The following LYPD6B variants were observed in gnomAD, a reference collection of about 807,000 sequenced individuals.
LYPD6B encodes the protein LY6/PLAUR domain containing 6B, also known as ly6/PLAUR domain-containing protein 6B.
LYPD6B carries 17 observed loss-of-function variants against 22.8 expected under a neutral mutation model. The observed-to-expected ratio is 0.75, with a 90% CI of 0.51 to 1.12. The LOEUF is 1.12. Among genes scored for constraint, LYPD6B ranks in the 50% most tolerant of loss-of-function variants. LYPD6B has a pLI of 0.00. For missense variants in LYPD6B, 221 were observed against 258.3 expected (o/e 0.86, Z 0.99); for synonymous variants, 106 against 91.6 (o/e 1.16, Z -0.90).
rs770703554 is a variant in LYPD6B, at chr2:149,189,342, T to TTATATATATATATATATATATATATATA, written c.78-15885_78-15884insTATATATATATATATATATATATATATA. ...AACAATTTTTTTGATTTGTCCAAAA[T>TTATATATATATATATATATATATATATA]TATATATATATATATATATATATAT... On this transcript the variant is annotated intron_variant, in intron 3 of 6. Transcript: ENST00000409642. Among the ~76,000 whole-genome samples, 86 of 65,924 alleles carry TTATATATATATATATATATATATATATA rather than the reference T, an allele frequency of 1.3e-3. 1 individual carries two copies. The highest frequency in any genetic ancestry group is 9.1e-3 in the Middle Eastern group (1 of 110). The allele number at this position is 65,924 out of a possible 152,430, so 43.2% of individuals were successfully genotyped here. A position where few individuals can be genotyped will look rare whatever the true frequency, so the allele number is the denominator to read the frequency against.
chr2:149,096,020 T>TAGAGAGACAGAGGGAGGCACGG (rs1168531511), intron 1 of LYPD6B, among the ~76,000 whole-genome samples: 1 of 150,062 alleles, frequency 6.7e-6, no homozygotes, highest in African/African-American at 2.5e-5. Context: ...AAGACCCATG[T>TAGAGAGACAGAGGGAGGCACGG]AGAGAGACAG....
chr2:149,092,554 C>A (rs971779382), intron 1 of LYPD6B, among the ~76,000 whole-genome samples: 2 of 152,126 alleles, frequency 1.3e-5, no homozygotes, highest in African/African-American at 4.8e-5. Flanking sequence ...TTTAGCTGAG[C>A]ACATGGCCAC....
intron 1 of LYPD6B, among the ~76,000 whole-genome samples, chr2:149,129,527 T>C (rs765904280): frequency 6.6e-6 from 1 of 152,342 alleles, no homozygotes; most frequent in East Asian, 1.9e-4. Context: ...AAATGACTAA[T>C]AAGCTTTGTG....
chr2:149,106,055 T>G (rs974044766), intron 1 of LYPD6B, among the ~76,000 whole-genome samples: 1 of 152,092 alleles, frequency 6.6e-6, no homozygotes, highest in Non-Finnish European at 1.5e-5. Flanking sequence ...AATCATATGG[T>G]TTTTCTTTTT....
chr2:149,111,870 C>T (rs1004523422), intron 1 of LYPD6B, among the ~76,000 whole-genome samples: 2 of 151,958 alleles, frequency 1.3e-5, no homozygotes, highest in Non-Finnish European at 2.9e-5. Flanking sequence ...CAAACAGGCA[C>T]GATGAGATCC....
At chr2:149,057,690 A>C (rs1047805944) in intron 1 of LYPD6B, among the ~76,000 whole-genome samples, 3 of 152,080 alleles carry the variant, frequency 2.0e-5, no homozygotes, top group Admixed American at 6.5e-5. Context: ...GAACCCAGCA[A>C]ATGGAAGAAT....
chr2:149,202,341 C>T (rs1693215718), intron 3 of LYPD6B, among the ~76,000 whole-genome samples: 1 of 152,180 alleles, frequency 6.6e-6, no homozygotes, highest in Admixed American at 6.5e-5. Flanking sequence ...CCAGTCCCCT[C>T]CTTCGTGTTC....
chr2:149,197,463 G>T (rs1028632423), intron 3 of LYPD6B, among the ~76,000 whole-genome samples: 2 of 152,194 alleles, frequency 1.3e-5, no homozygotes, highest in African/African-American at 4.8e-5. Context: ...AGTGAGCCGA[G>T]ATCGCACCAC....
intron 3 of LYPD6B, among the ~76,000 whole-genome samples, chr2:149,171,027 C>T (rs2105928083): frequency 6.6e-6 from 1 of 152,254 alleles, no homozygotes; most frequent in South Asian, 2.1e-4. Context: ...GAAAATAAAA[C>T]AAGTGGTGAT....
At chr2:149,046,479 T>C (rs566342826) in intron 1 of LYPD6B, among the ~76,000 whole-genome samples, 10 of 152,016 alleles carry the variant, frequency 6.6e-5, no homozygotes, top group African/African-American at 2.4e-4. Flanking sequence ...GTTCTTTTTT[T>C]TTCTTGTTTC....
intron 1 of LYPD6B, among the ~76,000 whole-genome samples, chr2:149,112,457 C>T (rs1361424661): frequency 6.6e-6 from 1 of 151,880 alleles, no homozygotes; most frequent in African/African-American, 2.4e-5. Context: ...AAAAGCTATG[C>T]AGAGAAAAGA....
At chr2:149,186,949 C>A (rs537486668) in intron 3 of LYPD6B, among the ~76,000 whole-genome samples, 111 of 152,318 alleles carry the variant, frequency 7.3e-4, no homozygotes, top group South Asian at 1.2e-3. Context: ...CCTTTAGCAA[C>A]CACCACCCTG....
intron 3 of LYPD6B, among the ~76,000 whole-genome samples, chr2:149,161,636 A>G (rs893773923): frequency 7.2e-5 from 11 of 152,130 alleles, no homozygotes; most frequent in Admixed American, 2.0e-4. Flanking sequence ...TATCAAGGCT[A>G]TCAACTACCA....
At chr2:149,136,836 A>T (rs1688400122) in intron 2 of LYPD6B, among the ~76,000 whole-genome samples, 2 of 152,252 alleles carry the variant, frequency 1.3e-5, no homozygotes, top group African/African-American at 4.8e-5. Context: ...AAGAGGGAAC[A>T]GTGCTAAGGA....
Position 149,100,932 on chromosome 2 carries a change from G to A in LYPD6B, c.-66-29951G>A, listed in dbSNP as rs182131772. On this transcript the variant is annotated intron_variant, in intron 1 of 6. Transcript: ENST00000409642. The stretch of plus-strand genomic sequence containing the variant: ...CCCCTCCTGCCGTCAGCTGTCTGTG[G>A]CATTTTTAATCCACCTCTTGTTGCT... 1.1e-3 allele frequency among the ~76,000 whole-genome samples: 164 copies of A among 152,276 alleles called. 1 individual carries two copies. The highest frequency in any genetic ancestry group is 3.7e-3 in the African/African-American group (155 of 41,546).
intron 1 of LYPD6B, among the ~76,000 whole-genome samples, chr2:149,046,080 A>G (rs1452559561): frequency 1.3e-5 from 2 of 152,160 alleles, no homozygotes; most frequent in Non-Finnish European, 2.9e-5. Flanking sequence ...TGTTAAGTGC[A>G]TACACATTTA....
At chr2:149,182,432 G>A (rs1399554409) in intron 3 of LYPD6B, among the ~76,000 whole-genome samples, 1 of 152,170 alleles carries the variant, frequency 6.6e-6, no homozygotes, top group Non-Finnish European at 1.5e-5. Context: ...TTGGTGTGCT[G>A]GCAGTAGCAG....
At chr2:149,130,148 G>A (rs1166820217) in intron 1 of LYPD6B, among the ~76,000 whole-genome samples, 2 of 152,186 alleles carry the variant, frequency 1.3e-5, no homozygotes, top group Non-Finnish European at 2.9e-5. Flanking sequence ...GGATTCATCA[G>A]GGCACAGAAG....
chr2:149,065,684 T>C (rs1238849697), intron 1 of LYPD6B, among the ~76,000 whole-genome samples: 2 of 152,182 alleles, frequency 1.3e-5, no homozygotes, highest in Non-Finnish European at 2.9e-5. Context: ...GGGGGTCTTT[T>C]GTGTTGTGTG....
Sources: allele counts gnomAD v4.1 joint callset (sites outside exome capture counted in the v4.1 genomes callset), GRCh38; gene constraint gnomAD v4.1.1; transcripts MANE v1.5; gene names NCBI Gene and HGNC (gene_info 2026-07-23, HGNC 2026-07-21).